Variants in THSD4 observed in about 807,000 individuals in gnomAD.
THSD4 encodes the protein thrombospondin type-1 domain-containing protein 4.
In THSD4, 69 loss-of-function variants were observed where a neutral mutation model predicts 119.0. The observed-to-expected ratio is 0.58, with a 90% CI of 0.48 to 0.71. THSD4 has a LOEUF of 0.71. Ranked by LOEUF, THSD4 falls within the 30% of genes least tolerant of loss-of-function variation. The pLI is 0.00. For synonymous variants in THSD4, 524 were observed against 540.4 expected (o/e 0.97, Z 0.42); for missense variants, 1,393 against 1,391.1 (o/e 1.00, Z -0.02).
chr15:71,677,166 G>T (rs1426887601), intron 8 of THSD4, among the ~76,000 whole-genome samples: 3 of 152,174 alleles, frequency 2.0e-5, no homozygotes, highest in Non-Finnish European at 4.4e-5. Flanking sequence ...CAGCTCTGAG[G>T]CATCAGGACA....
At chr15:71,228,726 C>T (rs2044037612) in intron 4 of THSD4, among the ~76,000 whole-genome samples, 1 of 152,106 alleles carries the variant, frequency 6.6e-6, no homozygotes, top group Non-Finnish European at 1.5e-5. Flanking sequence ...AGTTATGCTC[C>T]CTTCCTGCTC....
chr15:71,600,764 C>G (rs1248014866), intron 7 of THSD4, among the ~76,000 whole-genome samples: 1 of 146,226 alleles, frequency 6.8e-6, no homozygotes, highest in African/African-American at 2.6e-5. Flanking sequence ...TTTTTTGAGA[C>G]AGAGTCTTGC....
chr15:71,400,057 T>A (rs2046506520), intron 6 of THSD4, among the ~76,000 whole-genome samples: 1 of 152,182 alleles, frequency 6.6e-6, no homozygotes, highest in African/African-American at 2.4e-5. Flanking sequence ...TTTTGTTCAC[T>A]GTTTCTAATC....
chr15:71,367,735 A>C (rs981079603), intron 6 of THSD4, among the ~76,000 whole-genome samples: 2 of 152,242 alleles, frequency 1.3e-5, no homozygotes, highest in African/African-American at 4.8e-5. Context: ...ACAGTGCTGC[A>C]ATAAACATAT....
At chr15:71,279,211 G>C (rs1293992029) in intron 6 of THSD4, among the ~76,000 whole-genome samples, 1 of 152,112 alleles carries the variant, frequency 6.6e-6, no homozygotes, top group East Asian at 1.9e-4. Flanking sequence ...AATTAGAAAG[G>C]GGAAGCATAT....
rs145140080 is a variant in THSD4 at position 71,258,382 on chromosome 15, A to C, written c.1015+1667A>C. On this transcript the variant is annotated intron_variant, in intron 6 of 17. Coordinates refer to ENST00000261862, the MANE Select transcript of THSD4 (RefSeq NM_024817.3). ...TTAGTAGAGGCAGGGTTTTGCCATG[A>C]TGGCCAGGCTGACCTCGAACTCCTG... Among the ~76,000 whole-genome samples the C allele has an allele frequency of 3.0e-3, 450 of 152,128 alleles. 2 individuals are homozygous for C. Among genetic ancestry groups the C allele is most frequent in the African/African-American group, 9.8e-3 (407 of 41,504 alleles).
rs544515297 is a variant in THSD4 at position 71,624,241 on chromosome 15, C to T, written c.1153-36289C>T. On this transcript the variant is annotated intron_variant, in intron 7 of 17. Transcript: ENST00000261862. ...TCACCCAATCAGTGGATACCAGCTG[C>T]CCCCAGTGAGAACACTTGAGCAAAG... Among the ~76,000 whole-genome samples the T allele has an allele frequency of 2.0e-5, 3 of 152,312 alleles. No homozygotes were observed. The East Asian group carries it at 5.8e-4, about 29-fold the overall frequency.
chr15:71,639,129 G>T lies in THSD4; in HGVS notation c.1153-21401G>T, dbSNP rs940046485. ...ACATGGCCAGACCTAACTTCAGAAG[G>T]TTGGAGAATTGTAATCCTCCATGTA... On this transcript the variant is annotated intron_variant, in intron 7 of 17. Transcript: ENST00000261862. Among the ~76,000 whole-genome samples the T allele has an allele frequency of 3.9e-5, 6 of 152,312 alleles. No individual in the cohort carries two copies. The East Asian group carries it at 7.7e-4, about 20-fold the overall frequency.
intron 6 of THSD4, among the ~76,000 whole-genome samples, chr15:71,275,056 G>C (rs1192556547): frequency 6.6e-6 from 1 of 152,042 alleles, no homozygotes; most frequent in East Asian, 1.9e-4. Flanking sequence ...GTCATCGTGT[G>C]GCTGGTCGGG....
chr15:71,594,951 T>C (rs910488146), intron 7 of THSD4, among the ~76,000 whole-genome samples: 2 of 151,968 alleles, frequency 1.3e-5, no homozygotes, highest in African/African-American at 4.8e-5. Flanking sequence ...GAGCTAGGTG[T>C]CAAAGAAGAA....
At chr15:71,733,910 CAAAA>C (rs773198822) in intron 10 of THSD4, 797 of 74,314 alleles carry the variant, frequency 0.011, 14 homozygotes, top group African/African-American at 0.033. Context: ...ACTCTGTCTC[CAAAA>C]AAAAAAAAAA....
chr15:71,419,745 A>C (rs2046790125), intron 7 of THSD4, among the ~76,000 whole-genome samples: 2 of 108,194 alleles, frequency 1.8e-5, no homozygotes, highest in African/African-American at 6.3e-5. Flanking sequence ...CTAATCATTC[A>C]GGAGCAAATT....
chr15:71,395,847 C>T (rs2046444434), intron 6 of THSD4, among the ~76,000 whole-genome samples: 1 of 151,906 alleles, frequency 6.6e-6, no homozygotes, highest in Admixed American at 6.6e-5. Flanking sequence ...GCCATCAAAA[C>T]TCTCTTCCTG....
In THSD4 at chr15:71,556,462, A is replaced by G. The variant is rs1287467363; in HGVS notation, c.1153-104068A>G. Among the ~76,000 whole-genome samples the G allele has an allele frequency of 2.0e-5, 3 of 152,124 alleles. No homozygotes were observed. In the East Asian group the frequency reaches 5.8e-4, roughly 29 times the overall value. On this transcript the variant is annotated intron_variant, in intron 7 of 17. Coordinates refer to ENST00000261862, the MANE Select transcript of THSD4 (RefSeq NM_024817.3). ...TTGCTAATGCTTAGAAGTCCAAATG[A>G]TCATCTGGCCATGGTGGCTCATGTT...
chr15:71,544,135 A>G (rs1037934274), intron 7 of THSD4, among the ~76,000 whole-genome samples: 5 of 152,200 alleles, frequency 3.3e-5, no homozygotes, highest in African/African-American at 9.7e-5. Flanking sequence ...GGCCTAGAAT[A>G]TAGGAATTTA....
At chr15:71,703,841 GT>G (rs775877385) in intron 8 of THSD4, among the ~76,000 whole-genome samples, 15 of 152,078 alleles carry the variant, frequency 9.9e-5, no homozygotes, top group Non-Finnish European at 1.9e-4. Context: ...AAAGATTGGG[GT>G]TTTTTGTTAG....
At position 71,724,285 on chromosome 15, in the gene THSD4, A is replaced by ATTTTTT. The variant is rs1448681867; in HGVS notation, c.1358-4263_1358-4262insTTTTTT. On this transcript the variant is annotated intron_variant, in intron 8 of 17. Transcript: ENST00000261862. Reference sequence around the variant, plus strand: ...TGATGGGATATATATATATATATATATATTTTTTTTTTCCCCCCAAGATGG... The same window carrying ATTTTTT: ...TGATGGGATATATATATATATATATATTTTTTTATTTTTTTTTTCCCCCCAAGATGG... Among the ~76,000 whole-genome samples the ATTTTTT allele has an allele frequency of 6.4e-4, 13 of 20,338 alleles. 1 individual carries two copies. The highest frequency in any genetic ancestry group is 1.0e-3 in the Non-Finnish European group (11 of 10,872). 13.3% of individuals were successfully genotyped at this position (20,338 alleles called of 152,430 possible). A position where few individuals can be genotyped will look rare whatever the true frequency, so the allele number is the denominator to read the frequency against.
rs112057450 is a variant in THSD4, at chr15:71,157,985, C to T, written c.99+3053C>T. 9.3e-3 allele frequency among the ~76,000 whole-genome samples: 1,416 copies of T among 151,900 alleles called. 21 individuals are homozygous for T. Among genetic ancestry groups the T allele is most frequent in the African/African-American group, 0.032 (1,322 of 41,396 alleles). On this transcript the variant is annotated intron_variant, in intron 3 of 17. Transcript: ENST00000261862. ...TTCTTGAACATTCTGATTTCATTTC[C>T]TTTGGATATATATGCAATTGTGGGA...
intron 17 of THSD4, among the ~76,000 whole-genome samples, chr15:71,773,260 G>T (rs2053857420): frequency 1.3e-5 from 2 of 150,394 alleles, no homozygotes; most frequent in South Asian, 4.2e-4. Context: ...ACATAAAGCT[G>T]CCTGTTTGTC....
Sources: gnomAD v4.1 joint callset for allele counts (sites outside exome capture counted in the v4.1 genomes callset) on GRCh38, gnomAD v4.1.1 for gene constraint, MANE v1.5 for transcripts, NCBI Gene and HGNC (gene_info 2026-07-23, HGNC 2026-07-21) for gene names.